TANGO6: variants seen among roughly 807,000 people sequenced by gnomAD.
TANGO6 encodes transport and Golgi organization protein 6 homolog.
A neutral mutation model predicts 114.2 loss-of-function variants in TANGO6; 90 were observed. The ratio of observed to expected loss-of-function variants is 0.79; its 90% CI spans 0.66 to 0.94. The LOEUF is 0.94. TANGO6 is among the 40% of genes least tolerant of loss of function. The probability of loss-of-function intolerance (pLI) is 0.00; values close to 1 mark genes in which losing one functional copy is unlikely to be tolerated. For missense variants in TANGO6, 1,274 were observed against 1,315.3 expected, an observed-to-expected ratio of 0.97 and a Z score of 0.49; for synonymous variants, 477 against 509.8, an observed-to-expected ratio of 0.94 and a Z score of 0.87.
chr16:69,079,359 T>C (rs1461491255), intron 17 of TANGO6, among the ~76,000 whole-genome samples: 1 of 148,536 alleles, frequency 6.7e-6, no homozygotes, highest in Non-Finnish European at 1.5e-5. Context: ...TAAATAAATA[T>C]AAAAGAAAAT....
chr16:68,845,100 T>TG (rs1961782853), intron 1 of TANGO6, among the ~76,000 whole-genome samples: 1 of 152,040 alleles, frequency 6.6e-6, no homozygotes, highest in African/African-American at 2.4e-5. Flanking sequence ...CCCGAGTAGC[T>TG]GGGATTACAG....
At chr16:68,847,094 T>C (rs1319459182) in intron 1 of TANGO6, among the ~76,000 whole-genome samples, 1 of 151,962 alleles carries the variant, frequency 6.6e-6, no homozygotes, top group Non-Finnish European at 1.5e-5. Context: ...TTCTCTACGT[T>C]GGTCAGGCTG....
intron 14 of TANGO6, among the ~76,000 whole-genome samples, chr16:68,960,956 A>G (rs772404677): frequency 4.6e-5 from 7 of 152,226 alleles, no homozygotes; most frequent in East Asian, 1.9e-4. Flanking sequence ...ATTTTCTTTC[A>G]TATGGCTTTT....
intron 17 of TANGO6, among the ~76,000 whole-genome samples, chr16:69,049,505 C>T (rs753375483): frequency 9.9e-5 from 15 of 151,850 alleles, no homozygotes; most frequent in African/African-American, 3.6e-4. Context: ...CATCTCGTCT[C>T]ACTGCAACCT....
intron 9 of TANGO6, among the ~76,000 whole-genome samples, chr16:68,905,229 T>A (rs1358108302): frequency 7.2e-6 from 1 of 139,056 alleles, no homozygotes; most frequent in African/African-American, 2.7e-5. Context: ...GAACTGTGTC[T>A]CAAAAAAAAA....
intron 15 of TANGO6, among the ~76,000 whole-genome samples, chr16:68,995,878 T>C (rs890361256): frequency 1.3e-5 from 2 of 152,236 alleles, no homozygotes; most frequent in African/African-American, 4.8e-5. Flanking sequence ...GAGCCCCTTC[T>C]AAATTTTACT....
At chr16:69,036,173 C>T (rs1226873072) in intron 16 of TANGO6, 1 of 151,970 alleles carries the variant, frequency 6.6e-6, no homozygotes, top group East Asian at 1.9e-4. Context: ...TTCATTATGT[C>T]GTTGGGGTTG....
intron 11 of TANGO6, among the ~76,000 whole-genome samples, chr16:68,918,146 G>A (rs1963034161): frequency 6.6e-6 from 1 of 152,056 alleles, no homozygotes; most frequent in Admixed American, 6.6e-5. Flanking sequence ...AACCTCAAGT[G>A]ATCTACCCAC....
At chr16:68,914,298 A>G (rs1962969128) in intron 11 of TANGO6, among the ~76,000 whole-genome samples, 1 of 152,090 alleles carries the variant, frequency 6.6e-6, no homozygotes, top group Non-Finnish European at 1.5e-5. Context: ...AGTAGCTGGG[A>G]TTACAGGTGC....
chr16:68,977,431 C>T (rs1963775481), intron 15 of TANGO6, among the ~76,000 whole-genome samples: 1 of 150,354 alleles, frequency 6.7e-6, no homozygotes, highest in Non-Finnish European at 1.5e-5. Context: ...TGGTGGCTCA[C>T]GCCTGTAATC....
At chr16:69,029,980 C>T (rs1054022064) in intron 16 of TANGO6, among the ~76,000 whole-genome samples, 2 of 151,712 alleles carry the variant, frequency 1.3e-5, no homozygotes, top group African/African-American at 4.8e-5. Flanking sequence ...TAGTAACAGG[C>T]ACCTGTAGTC....
intron 1 of TANGO6, among the ~76,000 whole-genome samples, chr16:68,847,296 T>G (rs554032107): frequency 8.5e-5 from 13 of 152,314 alleles, no homozygotes; most frequent in South Asian, 6.2e-4. Flanking sequence ...TGACCTAGTA[T>G]TATTATGAAA....
chr16:68,854,619 T>G (rs1036268439), intron 1 of TANGO6, among the ~76,000 whole-genome samples: 5 of 107,308 alleles, frequency 4.7e-5, no homozygotes, highest in Admixed American at 8.9e-5. Flanking sequence ...AAGGTCAAAG[T>G]TTTTTTTTTT....
chr16:68,904,303 C>G (rs1962821735), intron 9 of TANGO6, among the ~76,000 whole-genome samples: 1 of 152,094 alleles, frequency 6.6e-6, no homozygotes, highest in South Asian at 2.1e-4. Context: ...TATTTGAATA[C>G]AGTACTTCAT....
In TANGO6 at chr16:69,069,596, G is replaced by C. The variant is rs187964401; in HGVS notation, c.3109-13889G>C. On this transcript the variant is annotated intron_variant, in intron 17 of 17. Transcript: ENST00000261778. ...CAGCTCCAGTTCACCTCTTTCCCCT[G>C]TCTTCACCTGTCTTATTATTTCGGT... Among the ~76,000 whole-genome samples the C allele has an allele frequency of 3.3e-5, 5 of 151,978 alleles. No homozygotes were observed. In the East Asian group the frequency reaches 9.7e-4, roughly 29 times the overall value.
intron 16 of TANGO6, among the ~76,000 whole-genome samples, chr16:69,029,629 T>G (rs1426727812): frequency 6.6e-6 from 1 of 152,092 alleles, no homozygotes; most frequent in Non-Finnish European, 1.5e-5. Flanking sequence ...GGGAAACTGA[T>G]CAGGATTATA....
chr16:68,887,149 G>A lies in TANGO6; in HGVS notation c.1377+6519G>A, dbSNP rs971261488. 3.9e-5 allele frequency among the ~76,000 whole-genome samples: 6 copies of A among 152,320 alleles called. No individual in the cohort carries two copies. The South Asian group carries it at 1.2e-3, about 32-fold the overall frequency. On this transcript the variant is annotated intron_variant, in intron 7 of 17. Coordinates refer to ENST00000261778, the MANE Select transcript of TANGO6 (RefSeq NM_024562.2). Reference sequence around the variant, plus strand: ...CCTTCTCTCCCCTCTTTCTGGAAGAGCAGTTTTTATAATCCCCAACCTGTT... The same window carrying A: ...CCTTCTCTCCCCTCTTTCTGGAAGAACAGTTTTTATAATCCCCAACCTGTT...
At position 68,860,369 on chromosome 16, in the gene TANGO6, A is replaced by G; in HGVS notation, c.580A>G (p.Arg194Gly). ...TGATGCTGCCCCCGATGCAACTCGA[A>G]GACTGTACACCAGCTGCAAGGCCCT... ...CFDAAPDATR[R>G]LYTSCKALLN... The change falls in exon 2 of 18, where the codon AGA becomes GGA. Residue 194 changes from arginine (R) to glycine (G), a missense_variant. Coordinates refer to ENST00000261778, the MANE Select transcript of TANGO6 (RefSeq NM_024562.2). The G allele has an allele frequency of 1.2e-6, 2 of 1,613,986 alleles. No homozygotes were observed. The highest frequency in any genetic ancestry group is 1.1e-5 in the South Asian group (1 of 91,084).
At chr16:68,917,497 G>A (rs1347620692) in intron 11 of TANGO6, among the ~76,000 whole-genome samples, 1 of 152,176 alleles carries the variant, frequency 6.6e-6, no homozygotes, top group Admixed American at 6.5e-5. Context: ...TGCCTAAGTG[G>A]CTGTACCATT....
Sources: gnomAD v4.1 joint callset for allele counts (sites outside exome capture counted in the v4.1 genomes callset) on GRCh38, gnomAD v4.1.1 for gene constraint, MANE v1.5 for transcripts, NCBI Gene and HGNC (gene_info 2026-07-23, HGNC 2026-07-21) for gene names.